Variants in RALGPS1 observed in about 807,000 individuals in gnomAD.
RALGPS1 encodes Ral GEF with PH domain and SH3 binding motif 1.
Under a neutral mutation model 78.8 loss-of-function variants are expected in RALGPS1, and 19 were observed. That is an observed-to-expected ratio of 0.24 (90% CI 0.17 to 0.35). RALGPS1 has a LOEUF of 0.35. Among genes scored for constraint, RALGPS1 ranks in the 10% least tolerant of loss-of-function variants. RALGPS1 has a pLI of 1.00. For missense variants in RALGPS1, 454 were observed against 688.3 expected (o/e 0.66, Z 3.81); for synonymous variants, 228 against 256.3 (o/e 0.89, Z 1.06).
intron 4 of RALGPS1, among the ~76,000 whole-genome samples, chr9:127,031,649 T>C (rs969322093): frequency 1.9e-4 from 29 of 152,250 alleles, no homozygotes; most frequent in African/African-American, 6.3e-4. Context: ...TTGTCTGGTG[T>C]TTCCCAGGAA....
chr9:127,072,322 C>T (rs1285920946), intron 8 of RALGPS1, among the ~76,000 whole-genome samples: 1 of 152,188 alleles, frequency 6.6e-6, no homozygotes, highest in Non-Finnish European at 1.5e-5. Context: ...AAGTGATCCT[C>T]CCGCCTCAGC....
At chr9:126,989,942 C>T (rs1258518264) in intron 4 of RALGPS1, 1 of 1,550,580 alleles carries the variant, frequency 6.4e-7, no homozygotes, top group Admixed American at 2.0e-5. Context: ...TCCACAGTTT[C>T]CTCCAGGCCA....
At chr9:126,927,542 A>C (rs1044249325) in intron 1 of RALGPS1, among the ~76,000 whole-genome samples, 5 of 152,134 alleles carry the variant, frequency 3.3e-5, no homozygotes, top group African/African-American at 1.2e-4. Context: ...TGTTTACACT[A>C]GTGTCAGAGC....
intron 8 of RALGPS1, among the ~76,000 whole-genome samples, chr9:127,152,557 C>G (rs1174226380): frequency 2.0e-5 from 3 of 152,208 alleles, no homozygotes; most frequent in African/African-American, 7.2e-5. Context: ...CCTTGGATCA[C>G]TGTGTCTTGG....
chr9:127,154,502 G>A (rs1361012798), intron 8 of RALGPS1, among the ~76,000 whole-genome samples: 1 of 152,196 alleles, frequency 6.6e-6, no homozygotes, highest in East Asian at 1.9e-4. Context: ...AGGGCCCAAG[G>A]AACCTCTCAG....
chr9:127,019,952 C>G (rs946195884), intron 4 of RALGPS1, among the ~76,000 whole-genome samples: 16 of 152,216 alleles, frequency 1.1e-4, no homozygotes, highest in Non-Finnish European at 1.9e-4. Flanking sequence ...ATGAATGTTA[C>G]ATTTTTCCAA....
intron 1 of RALGPS1, among the ~76,000 whole-genome samples, chr9:126,921,142 C>T (rs964820783): frequency 1.3e-5 from 2 of 152,172 alleles, no homozygotes; most frequent in African/African-American, 4.8e-5. Context: ...CAAGAAGCAC[C>T]TCTTGAGCTG....
At chr9:127,172,277 G>A (rs937755066) in intron 10 of RALGPS1, among the ~76,000 whole-genome samples, 5 of 152,184 alleles carry the variant, frequency 3.3e-5, no homozygotes, top group Admixed American at 1.3e-4. Context: ...GCCGTGTGCC[G>A]TTGCCTCTGG....
At chr9:127,153,670 C>T (rs2058555999) in intron 8 of RALGPS1, among the ~76,000 whole-genome samples, 1 of 152,178 alleles carries the variant, frequency 6.6e-6, no homozygotes, top group African/African-American at 2.4e-5. Flanking sequence ...CACCTTCCTT[C>T]AGGGTCCTTG....
chr9:127,156,065 A>C (rs1046338436), intron 8 of RALGPS1, among the ~76,000 whole-genome samples: 3 of 152,204 alleles, frequency 2.0e-5, no homozygotes, highest in African/African-American at 7.2e-5. Context: ...CTATTGTTAC[A>C]GGCATACCTG....
intron 8 of RALGPS1, among the ~76,000 whole-genome samples, chr9:127,111,103 GATC>G (rs1307080659): frequency 1.3e-5 from 2 of 152,022 alleles, no homozygotes; most frequent in African/African-American, 4.8e-5. Flanking sequence ...TCTCCCCTAC[GATC>G]ATCTCCTCCA....
chr9:127,159,703 A>G (rs911268268), intron 8 of RALGPS1, among the ~76,000 whole-genome samples: 1 of 152,178 alleles, frequency 6.6e-6, no homozygotes, highest in Non-Finnish European at 1.5e-5. Flanking sequence ...CTCATCATGC[A>G]GTAGATGGAA....
intron 4 of RALGPS1, among the ~76,000 whole-genome samples, chr9:127,024,036 C>CAAAGAAAAA (rs2045733086): frequency 1.4e-5 from 1 of 71,668 alleles, no homozygotes; most frequent in Non-Finnish European, 2.5e-5. Context: ...GACTCTGTCT[C>CAAAGAAAAA]AAAAAAAAAA....
intron 8 of RALGPS1, among the ~76,000 whole-genome samples, chr9:127,101,266 T>C (rs2787594): frequency 0.55 from 83,701 of 152,172 alleles, 23,737 homozygotes; most frequent in African/African-American, 0.67. Flanking sequence ...CCTGCACCTG[T>C]GAGAAAGCCA....
chr9:126,915,241 G>T (rs1431414508), intron 1 of RALGPS1, among the ~76,000 whole-genome samples: 13 of 141,906 alleles, frequency 9.2e-5, no homozygotes, highest in Admixed American at 1.4e-4. Flanking sequence ...CCCCGGGAGC[G>T]TGAAGGACGG....
chr9:127,188,844 A>AAAAAAAAAAAAAAAAAG, intron 11 of RALGPS1, among the ~76,000 whole-genome samples: 1 of 148,664 alleles, frequency 6.7e-6, no homozygotes, highest in African/African-American at 2.5e-5. Context: ...AAAAAAAAAA[A>AAAAAAAAAAAAAAAAAG]AAAAATGTAG....
Position 126,965,844 on chromosome 9 carries a change from G to T in RALGPS1, c.58G>T (p.Gly20Cys), listed in dbSNP as rs199928245. 26 of 1,612,942 alleles carry T rather than the reference G, an allele frequency of 1.6e-5. No homozygotes were observed. The East Asian group carries it at 5.3e-4, about 33-fold the overall frequency. ...SVLVTSATPQ[G>C]SSSSDSLEGQ... ...CACCATCTTTCCCTGCTCTCCACAG[G>T]GCAGCAGCAGCTCGGACTCTCTGGA... is the stretch of plus-strand genomic sequence containing the variant. Residue 20 changes from glycine to cysteine, a missense_variant and splice_region_variant, in exon 3 of 19, where the codon GGC becomes TGC. Gly to Cys is a radical substitution (Grantham distance 159). Coordinates refer to ENST00000259351, the MANE Select transcript of RALGPS1 (RefSeq NM_014636.3).
At chr9:126,966,083 C>G (rs562317092) in intron 3 of RALGPS1, 132 bp downstream of exon 3, 2 of 655,438 alleles carry the variant, frequency 3.1e-6, no homozygotes, top group Admixed American at 2.5e-5. Context: ...GAGTAAAGTC[C>G]GTACCACCCT....
intron 4 of RALGPS1, among the ~76,000 whole-genome samples, chr9:127,003,786 A>G (rs1390950087): frequency 6.6e-6 from 1 of 152,052 alleles, no homozygotes; most frequent in African/African-American, 2.4e-5. Context: ...AATGTGTGCC[A>G]TGGTGGTTTG....
Sources: gnomAD v4.1 joint callset for allele counts (sites outside exome capture counted in the v4.1 genomes callset) on GRCh38, gnomAD v4.1.1 for gene constraint, MANE v1.5 for transcripts, NCBI Gene and HGNC (gene_info 2026-07-23, HGNC 2026-07-21) for gene names.